The following HECW2 variants were observed in gnomAD, a reference collection of about 807,000 sequenced individuals.
HECW2 encodes HECT, C2 and WW domain containing E3 ubiquitin protein ligase 2.
Under a neutral mutation model 175.2 loss-of-function variants are expected in HECW2, and 61 were observed. The observed-to-expected ratio is 0.35, with a 90% confidence interval of 0.28 to 0.43. The LOEUF is 0.43. Among genes scored for constraint, HECW2 ranks in the 20% least tolerant of loss-of-function variants. The pLI, the probability that HECW2 is intolerant of heterozygous loss-of-function variation, is 1.00. For synonymous variants in HECW2, 671 were observed against 731.0 expected, an observed-to-expected ratio of 0.92 and a Z score of 1.32; for missense variants, 1,524 against 2,000.5, an observed-to-expected ratio of 0.76 and a Z score of 4.54.
At chr2:196,290,386 G>T (rs569826989) in intron 14 of HECW2, 1 of 152,232 alleles carries the variant, frequency 6.6e-6, no homozygotes. Flanking sequence ...CTTTTTTCAA[G>T]GTTCAGGGGT....
chr2:196,517,175 A>G (rs1037092248), intron 1 of HECW2, among the ~76,000 whole-genome samples: 1 of 152,212 alleles, frequency 6.6e-6, no homozygotes, highest in African/African-American at 2.4e-5. Flanking sequence ...TGCATAAAAA[A>G]TTATTCCTAA....
rs766272827 is a variant in HECW2 at position 196,201,249 on chromosome 2, C to G, written c.*28G>C. 2.8e-6 allele frequency: 4 copies of G among 1,426,668 alleles called. No individual in the cohort carries two copies. Among genetic ancestry groups the G allele is most frequent in the Non-Finnish European group, 4.0e-6 (4 of 1,009,220 alleles). The allele number at this position is 1,426,668 out of a possible 1,614,324, so 88.4% of individuals were successfully genotyped here. ...GAAGGCAGCTTCTGAACCTGCCTGT[C>G]CACAGAGATGGGCATTCAGCTTCCA... On this transcript the variant is annotated 3_prime_UTR_variant, in exon 29 of 29. Transcript: ENST00000644978.
chr2:196,366,506 C>T (rs1204129908), intron 2 of HECW2, among the ~76,000 whole-genome samples: 1 of 152,066 alleles, frequency 6.6e-6, no homozygotes, highest in Non-Finnish European at 1.5e-5. Flanking sequence ...ATGTAATGTG[C>T]CAAAAACTCT....
At chr2:196,239,745 AGCTGGCCTCTTCTAATGTGAT>A (rs1158348974) in intron 21 of HECW2, 1 of 152,232 alleles carries the variant, frequency 6.6e-6, no homozygotes, top group Non-Finnish European at 1.5e-5. Flanking sequence ...GAGGGATGAC[AGCTGGCCTCTTCTAATGTGAT>A]GTGTAATAAC....
At chr2:196,522,042 C>G (rs1688417026) in intron 1 of HECW2, among the ~76,000 whole-genome samples, 1 of 152,250 alleles carries the variant, frequency 6.6e-6, no homozygotes, top group Admixed American at 6.5e-5. Context: ...GTTCTAGATC[C>G]CTGAGGAATA....
At chr2:196,566,215 TA>T (rs769507839) in intron 1 of HECW2, among the ~76,000 whole-genome samples, 25 of 151,690 alleles carry the variant, frequency 1.6e-4, no homozygotes, top group Non-Finnish European at 2.9e-4. Flanking sequence ...TTATCTACAT[TA>T]AAACCATTCT....
intron 23 of HECW2, among the ~76,000 whole-genome samples, chr2:196,225,405 G>A (rs532643819): frequency 1.2e-4 from 18 of 152,272 alleles, no homozygotes; most frequent in African/African-American, 3.9e-4. Context: ...AGGAGAGGGG[G>A]GCTGTGAGTC....
intron 1 of HECW2, among the ~76,000 whole-genome samples, chr2:196,566,725 G>GTTTTT (rs1690204124): frequency 2.1e-5 from 1 of 48,324 alleles, no homozygotes; most frequent in Non-Finnish European, 4.4e-5. Flanking sequence ...TTTTTTTTTT[G>GTTTTT]TATTTTTGGT....
At chr2:196,399,821 C>T (rs1411704562) in intron 2 of HECW2, among the ~76,000 whole-genome samples, 1 of 152,196 alleles carries the variant, frequency 6.6e-6, no homozygotes, top group African/African-American at 2.4e-5. Context: ...TATCTTTGAA[C>T]AAACAGTTAA....
chr2:196,250,032 A>G (rs950287299), intron 19 of HECW2, among the ~76,000 whole-genome samples: 6 of 152,240 alleles, frequency 3.9e-5, no homozygotes, highest in Non-Finnish European at 8.8e-5. Context: ...GTGCTCATAC[A>G]GTCTTGAAGA....
At chr2:196,329,863 T>A (rs574409968) in intron 4 of HECW2, among the ~76,000 whole-genome samples, 73 of 152,334 alleles carry the variant, frequency 4.8e-4, no homozygotes, top group African/African-American at 1.7e-3. Flanking sequence ...ATAAAAAATA[T>A]ATAAGCTTCA....
chr2:196,506,023 C>T (rs10176367), intron 1 of HECW2, among the ~76,000 whole-genome samples: 8,234 of 151,940 alleles, frequency 0.054, 766 homozygotes, highest in African/African-American at 0.19. Flanking sequence ...ATAAGGCAGT[C>T]GGGGAGGGAT....
intron 1 of HECW2, among the ~76,000 whole-genome samples, chr2:196,580,984 C>G (rs1168711202): frequency 6.6e-6 from 1 of 152,096 alleles, no homozygotes; most frequent in Non-Finnish European, 1.5e-5. Context: ...GAAGTAGTGA[C>G]ACATGCTACA....
chr2:196,478,512 A>C (rs1686736673), intron 1 of HECW2, among the ~76,000 whole-genome samples: 1 of 152,198 alleles, frequency 6.6e-6, no homozygotes, highest in Non-Finnish European at 1.5e-5. Context: ...ATACCCAACA[A>C]ACTGAGTGGA....
intron 1 of HECW2, among the ~76,000 whole-genome samples, chr2:196,485,521 G>C (rs1686972046): frequency 6.6e-6 from 1 of 152,152 alleles, no homozygotes. Flanking sequence ...CACAGGTGGA[G>C]GTGGAAGGCA....
chr2:196,267,349 T>C (rs953164427), intron 17 of HECW2, among the ~76,000 whole-genome samples: 2 of 152,228 alleles, frequency 1.3e-5, no homozygotes, highest in African/African-American at 4.8e-5. Context: ...TTTGTATTCG[T>C]ATAAAATGTT....
At chr2:196,554,071 GCTCACGC>G (rs1362871454) in intron 1 of HECW2, among the ~76,000 whole-genome samples, 1 of 152,208 alleles carries the variant, frequency 6.6e-6, no homozygotes, top group Non-Finnish European at 1.5e-5. Context: ...GGGCGCGGTG[GCTCACGC>G]CTGTAATCCC....
At position 196,266,276 on chromosome 2, in the gene HECW2, G is replaced by A. The variant is rs538754727; in HGVS notation, c.3335+4917C>T. ...GCAGGAGGATGGCTTGAGCCCAGGA[G>A]GTTGATGCTGCAGTCAGCTGTGATC... is the stretch of plus-strand genomic sequence containing the variant. On this transcript the variant is annotated intron_variant, in intron 17 of 28. Transcript: ENST00000644978. Among the ~76,000 whole-genome samples, 9 of 152,022 alleles carry A rather than the reference G, an allele frequency of 5.9e-5. No homozygotes were observed. In the South Asian group the frequency reaches 1.7e-3, roughly 28 times the overall value.
intron 13 of HECW2, among the ~76,000 whole-genome samples, chr2:196,299,668 G>A (rs931178020): frequency 2.0e-5 from 3 of 152,160 alleles, no homozygotes; most frequent in East Asian, 1.9e-4. Flanking sequence ...AGTGGCTCAC[G>A]CCTGTAATCC....
Sources: gnomAD v4.1 joint callset for allele counts (sites outside exome capture counted in the v4.1 genomes callset) on GRCh38, gnomAD v4.1.1 for gene constraint, MANE v1.5 for transcripts, NCBI Gene and HGNC (gene_info 2026-07-23, HGNC 2026-07-21) for gene names.